Variants in FBLN5 observed in about 807,000 individuals in gnomAD.
FBLN5 encodes fibulin 5, also known as fibulin-5.
In FBLN5, 24 loss-of-function variants were observed where a neutral mutation model predicts 61.6. The ratio of observed to expected loss-of-function variants is 0.39; its 90% CI spans 0.28 to 0.55. The LOEUF (loss-of-function observed/expected upper bound fraction) is 0.55, where lower values mean the gene tolerates loss of function less well. Ranked by LOEUF, FBLN5 falls within the 20% of genes least tolerant of loss-of-function variation. The pLI is 0.65. For synonymous variants in FBLN5, 213 were observed against 219.8 expected, an observed-to-expected ratio of 0.97 and a Z score of 0.27; for missense variants, 470 against 594.1, an observed-to-expected ratio of 0.79 and a Z score of 2.17.
intron 4 of FBLN5, among the ~76,000 whole-genome samples, chr14:91,926,780 C>T (rs2055836125): frequency 2.1e-5 from 3 of 143,516 alleles, no homozygotes; most frequent in Admixed American, 1.4e-4. Flanking sequence ...TGGAGTGGAT[C>T]GGGGGGAGTG....
At chr14:91,935,926 G>A (rs1426211177) in intron 4 of FBLN5, among the ~76,000 whole-genome samples, 3 of 152,084 alleles carry the variant, frequency 2.0e-5, no homozygotes, top group Non-Finnish European at 4.4e-5. Flanking sequence ...TGAGACCAGC[G>A]AAAATGCAGA....
intron 8 of FBLN5, 59 bp from the exon 9 acceptor site, chr14:91,881,477 TG>T: frequency 4.4e-6 from 7 of 1,601,132 alleles, no homozygotes; most frequent in Non-Finnish European, 6.0e-6. Flanking sequence ...GCCAGACGCG[TG>T]GGGGTGGGGT....
At chr14:91,925,665 C>T (rs930115835) in intron 4 of FBLN5, among the ~76,000 whole-genome samples, 3 of 152,202 alleles carry the variant, frequency 2.0e-5, no homozygotes, top group African/African-American at 4.8e-5. Flanking sequence ...CACAGCGTTT[C>T]CCCTTAAGGA....
At chr14:91,929,602 A>G (rs1357808437) in intron 4 of FBLN5, among the ~76,000 whole-genome samples, 1 of 152,258 alleles carries the variant, frequency 6.6e-6, no homozygotes, top group South Asian at 2.1e-4. Context: ...ATGCTACCTC[A>G]ATCTAGGCCT....
At chr14:91,878,861 T>G (rs554395525) in intron 9 of FBLN5, among the ~76,000 whole-genome samples, 11 of 152,306 alleles carry the variant, frequency 7.2e-5, no homozygotes, top group Non-Finnish European at 1.3e-4. Flanking sequence ...CCCAGCACTT[T>G]GAAAGGCTGA....
At chr14:91,913,245 C>A (rs1891035838) in intron 4 of FBLN5, among the ~76,000 whole-genome samples, 1 of 152,112 alleles carries the variant, frequency 6.6e-6, no homozygotes, top group Non-Finnish European at 1.5e-5. Flanking sequence ...GCTTTATGTC[C>A]ATTTCCCCAT....
At chr14:91,880,187 C>A (rs886241552) in intron 9 of FBLN5, among the ~76,000 whole-genome samples, 1 of 152,098 alleles carries the variant, frequency 6.6e-6, no homozygotes, top group African/African-American at 2.4e-5. Flanking sequence ...TGTCCAGCAC[C>A]TCAATACTCA....
intron 4 of FBLN5, among the ~76,000 whole-genome samples, chr14:91,928,914 C>T (rs1287238539): frequency 6.7e-6 from 1 of 149,492 alleles, no homozygotes; most frequent in African/African-American, 2.5e-5. Context: ...AAAAATTAGC[C>T]GGGTGCAGTG....
chr14:91,920,690 T>C (rs528658528), intron 4 of FBLN5, among the ~76,000 whole-genome samples: 1 of 152,246 alleles, frequency 6.6e-6, no homozygotes, highest in South Asian at 2.1e-4. Flanking sequence ...TCTCAGTCCA[T>C]AGCAGCCTTG....
chr14:91,906,819 G>C (rs780559772), intron 4 of FBLN5, among the ~76,000 whole-genome samples: 5 of 152,290 alleles, frequency 3.3e-5, no homozygotes, highest in Middle Eastern at 6.8e-3. Flanking sequence ...TGCCCCCAAT[G>C]CCTCTGCTCA....
intron 10 of FBLN5, among the ~76,000 whole-genome samples, chr14:91,876,242 G>A (rs562138682): frequency 2.6e-5 from 4 of 152,300 alleles, no homozygotes; most frequent in Middle Eastern, 3.4e-3. Flanking sequence ...AGCCTTATCG[G>A]GAAGATTTCT....
intron 4 of FBLN5, among the ~76,000 whole-genome samples, chr14:91,924,516 C>T (rs1319768626): frequency 9.7e-6 from 1 of 102,780 alleles, no homozygotes; most frequent in Non-Finnish European, 2.1e-5. Flanking sequence ...GGTGAAACCC[C>T]GTCTCTTCTA....
intron 4 of FBLN5, among the ~76,000 whole-genome samples, chr14:91,899,246 C>T (rs1890358718): frequency 6.6e-6 from 1 of 152,182 alleles, no homozygotes; most frequent in Non-Finnish European, 1.5e-5. Flanking sequence ...GCAGACTTTA[C>T]TGGGAGTTCT....
intron 4 of FBLN5, among the ~76,000 whole-genome samples, chr14:91,899,550 G>A (rs1051182768): frequency 6.6e-6 from 1 of 152,346 alleles, no homozygotes. Context: ...GACATCCACA[G>A]AGTGGCCTTC....
chr14:91,901,726 C>T (rs935070860), intron 4 of FBLN5, among the ~76,000 whole-genome samples: 7 of 152,212 alleles, frequency 4.6e-5, no homozygotes, highest in Non-Finnish European at 7.4e-5. Context: ...ATGTGTCTTA[C>T]GGTCCTGGCC....
intron 6 of FBLN5, among the ~76,000 whole-genome samples, chr14:91,890,249 G>A (rs547037322): frequency 1.3e-5 from 2 of 152,294 alleles, no homozygotes; most frequent in South Asian, 4.1e-4. Flanking sequence ...CCTATTTACC[G>A]ATGATTTAGA....
At chr14:91,900,411 A>T (rs1440846796) in intron 4 of FBLN5, among the ~76,000 whole-genome samples, 1 of 152,236 alleles carries the variant, frequency 6.6e-6, no homozygotes, top group African/African-American at 2.4e-5. Flanking sequence ...AAAGTTGAAA[A>T]TACTTTGTTT....
intron 4 of FBLN5, among the ~76,000 whole-genome samples, chr14:91,919,574 G>A (rs2055698543): frequency 6.6e-6 from 1 of 152,120 alleles, no homozygotes; most frequent in Non-Finnish European, 1.5e-5. Context: ...GACTGCAATT[G>A]GGGACAGGGT....
At chr14:91,929,063 AAAAG>A (rs972226736) in intron 4 of FBLN5, among the ~76,000 whole-genome samples, 4 of 145,184 alleles carry the variant, frequency 2.8e-5, no homozygotes, top group African/African-American at 5.3e-5. Flanking sequence ...ATCTCAAAAA[AAAAG>A]ACCCTGTCTC....
Sources: gnomAD v4.1 joint callset for allele counts (sites outside exome capture counted in the v4.1 genomes callset) on GRCh38, gnomAD v4.1.1 for gene constraint, MANE v1.5 for transcripts, NCBI Gene and HGNC (gene_info 2026-07-23, HGNC 2026-07-21) for gene names.